Variants in ZBTB7C observed in about 807,000 individuals in gnomAD.
The protein encoded by ZBTB7C is zinc finger and BTB domain-containing protein 7C.
Under a neutral mutation model 25.7 loss-of-function variants are expected in ZBTB7C, and 8 were observed. The ratio of observed to expected loss-of-function variants is 0.31; its 90% CI spans 0.18 to 0.56. The LOEUF is 0.56. Among genes scored for constraint, ZBTB7C ranks in the 20% least tolerant of loss-of-function variants. The pLI is 0.91. For missense variants in ZBTB7C, 824 were observed against 855.2 expected, an observed-to-expected ratio of 0.96 and a Z score of 0.46; for synonymous variants, 394 against 369.0, an observed-to-expected ratio of 1.07 and a Z score of -0.78.
chr18:48,238,387 AAAG>A (rs1250038721), intron 2 of ZBTB7C, among the ~76,000 whole-genome samples: 1 of 152,176 alleles, frequency 6.6e-6, no homozygotes, highest in Non-Finnish European at 1.5e-5. Context: ...AGGAAAACCA[AAAG>A]AATTCAAAGA....
chr18:48,076,994 C>T (rs891721400), intron 3 of ZBTB7C: 2 of 984,474 alleles, frequency 2.0e-6, no homozygotes, highest in African/African-American at 3.5e-5. Flanking sequence ...CAAGACAGCA[C>T]CTAAGTTCCC....
chr18:48,237,774 A>G (rs2043420327), intron 2 of ZBTB7C, among the ~76,000 whole-genome samples: 1 of 152,208 alleles, frequency 6.6e-6, no homozygotes, highest in Non-Finnish European at 1.5e-5. Context: ...GGTTACCATC[A>G]AATATACCAA....
intron 3 of ZBTB7C, among the ~76,000 whole-genome samples, chr18:48,072,078 A>C (rs979977058): frequency 6.6e-6 from 1 of 152,250 alleles, no homozygotes; most frequent in Non-Finnish European, 1.5e-5. Context: ...CTAAATGATG[A>C]ATCTTACTTT....
At chr18:48,346,827 C>T (rs917104155) in intron 1 of ZBTB7C, 2 of 152,012 alleles carry the variant, frequency 1.3e-5, no homozygotes, top group South Asian at 2.1e-4. Context: ...GCTCTGTTGC[C>T]AGGCTGGAGT....
At chr18:48,324,189 T>C (rs2046162808) in intron 2 of ZBTB7C, among the ~76,000 whole-genome samples, 1 of 152,068 alleles carries the variant, frequency 6.6e-6, no homozygotes, top group Non-Finnish European at 1.5e-5. Flanking sequence ...ACAGCCCAAA[T>C]GGACTAAGAA....
chr18:48,228,471 G>A (rs1255181898), intron 2 of ZBTB7C, among the ~76,000 whole-genome samples: 8 of 152,068 alleles, frequency 5.3e-5, no homozygotes, highest in Non-Finnish European at 1.2e-4. Flanking sequence ...GATGGGTGGG[G>A]CACATCCTCT....
intron 2 of ZBTB7C, among the ~76,000 whole-genome samples, chr18:48,324,293 G>A (rs540209963): frequency 1.3e-5 from 2 of 152,264 alleles, no homozygotes; most frequent in Admixed American, 6.5e-5. Context: ...CCCGGAGAAG[G>A]CAAGGGAAGC....
At chr18:48,167,563 GGTGTGTGTGTGT>G (rs748451365) in intron 3 of ZBTB7C, among the ~76,000 whole-genome samples, 1 of 142,484 alleles carries the variant, frequency 7.0e-6, no homozygotes, top group Non-Finnish European at 1.5e-5. Flanking sequence ...GCATTGCTAG[GGTGTGTGTGTGT>G]GTGTGTGTGT....
chr18:48,342,020 G>C (rs2046613250), intron 1 of ZBTB7C, among the ~76,000 whole-genome samples: 1 of 152,220 alleles, frequency 6.6e-6, no homozygotes, highest in Admixed American at 6.5e-5. Flanking sequence ...TGGGCACCCA[G>C]GAAAGAGGTG....
chr18:48,319,916 CA>C (rs1396661243), intron 2 of ZBTB7C, among the ~76,000 whole-genome samples: 1 of 152,050 alleles, frequency 6.6e-6, no homozygotes, highest in African/African-American at 2.4e-5. Flanking sequence ...CACAGAGTGA[CA>C]GTTGCAGGCT....
chr18:48,300,762 T>C (rs889844303), intron 2 of ZBTB7C, among the ~76,000 whole-genome samples: 13 of 152,146 alleles, frequency 8.5e-5, no homozygotes, highest in Middle Eastern at 3.2e-3. Flanking sequence ...GCCTGGAACA[T>C]GGCTGTGAGG....
In ZBTB7C at chr18:48,042,615, G is replaced by A. The variant is rs151012340; in HGVS notation, c.-16-1492C>T. Among the ~76,000 whole-genome samples, 263 of 152,296 alleles carry A rather than the reference G, an allele frequency of 1.7e-3. 2 individuals carry two copies. The highest frequency in any genetic ancestry group is 6.0e-3 in the African/African-American group (251 of 41,558). On this transcript the variant is annotated intron_variant, in intron 3 of 4. Coordinates refer to ENST00000590800, the MANE Select transcript of ZBTB7C (RefSeq NM_001318841.2). ...GCACTGGGAAGGCAGCAGGCATGGA[G>A]GATGCTGGGTGCCCCTCCGCTGCCC...
At chr18:48,411,569 A>G (rs1165386137), upstream of ZBTB7C, among the ~76,000 whole-genome samples, 1 of 152,248 alleles carries the variant, frequency 6.6e-6, no homozygotes, top group Admixed American at 6.5e-5. Flanking sequence ...CTAAGCCATA[A>G]GTCTGGCTGC....
At chr18:48,206,638 T>C (rs1359162264) in intron 2 of ZBTB7C, among the ~76,000 whole-genome samples, 9 of 152,092 alleles carry the variant, frequency 5.9e-5, no homozygotes, top group Admixed American at 5.2e-4. Context: ...CCAGCCTGGG[T>C]AACAGAGCAA....
chr18:48,189,660 C>G (rs533411684), intron 2 of ZBTB7C, among the ~76,000 whole-genome samples: 2 of 152,306 alleles, frequency 1.3e-5, no homozygotes, highest in Admixed American at 6.5e-5. Context: ...TGGATAGATA[C>G]GGCATAAGTT....
At chr18:48,328,685 A>G (rs1014276940) in intron 2 of ZBTB7C, among the ~76,000 whole-genome samples, 3 of 152,116 alleles carry the variant, frequency 2.0e-5, no homozygotes, top group Non-Finnish European at 4.4e-5. Flanking sequence ...TGGAACGCCT[A>G]TCTCCTGACT....
intron 1 of ZBTB7C, among the ~76,000 whole-genome samples, chr18:48,370,373 C>T (rs2047359893): frequency 6.6e-6 from 1 of 151,990 alleles, no homozygotes; most frequent in South Asian, 2.1e-4. Context: ...CTTGAGATGA[C>T]AAAATTACAG....
rs1253420445 is a variant in ZBTB7C, at chr18:48,029,134, A to G, written c.*126T>C. 1 of 1,256,512 alleles carries G rather than the reference A, an allele frequency of 8.0e-7. No homozygotes were observed. 77.8% of individuals were successfully genotyped at this position (1,256,512 alleles called of 1,614,324 possible). A position where few individuals can be genotyped will look rare whatever the true frequency, so the allele number is the denominator to read the frequency against. On this transcript the variant is annotated 3_prime_UTR_variant, in exon 5 of 5. Coordinates refer to ENST00000590800, the MANE Select transcript of ZBTB7C (RefSeq NM_001318841.2). ...GGAAAATGCCATCACTGATAGTATT[A>G]TTATTATTTTCCCATTTTCCCTTTG...
chr18:48,123,867 C>T (rs62087385), intron 3 of ZBTB7C, among the ~76,000 whole-genome samples: 7,583 of 151,840 alleles, frequency 0.05, 223 homozygotes, highest in Non-Finnish European at 0.072. Context: ...ATGTATATTA[C>T]GATTTTTTTT....
Sources: allele counts gnomAD v4.1 joint callset (sites outside exome capture counted in the v4.1 genomes callset), GRCh38; gene constraint gnomAD v4.1.1; transcripts MANE v1.5; gene names NCBI Gene and HGNC (gene_info 2026-07-23, HGNC 2026-07-21).